TMEM131: variants seen among roughly 807,000 people sequenced by gnomAD.
TMEM131 encodes transmembrane protein 131, also known as 2610524E03Rik.
Under a neutral mutation model 211.6 loss-of-function variants are expected in TMEM131, and 66 were observed. The observed-to-expected ratio is 0.31, with a 90% CI of 0.26 to 0.38. The LOEUF (loss-of-function observed/expected upper bound fraction) is 0.38. Ranked by LOEUF, TMEM131 falls within the 10% of genes least tolerant of loss-of-function variation. TMEM131 has a pLI of 1.00. For missense variants in TMEM131, 2,036 were observed against 2,299.3 expected, an observed-to-expected ratio of 0.89 and a Z score of 2.34; for synonymous variants, 844 against 841.3, an observed-to-expected ratio of 1.00 and a Z score of -0.06.
At chr2:97,978,082 G>T (rs1300027429) in intron 1 of TMEM131, among the ~76,000 whole-genome samples, 1 of 152,018 alleles carries the variant, frequency 6.6e-6, no homozygotes, top group Non-Finnish European at 1.5e-5. Context: ...GCAAGACTCG[G>T]TCTTGGGGAA....
At position 97,910,089 on chromosome 2, in the gene TMEM131, G is replaced by T. The variant is rs550973902; in HGVS notation, c.250-1391C>A. ...CAAAGGACTCAAACATTTCTCCAAA[G>T]AAAATACACAAATGGCCAGTAGGCA... On this transcript the variant is annotated intron_variant, in intron 2 of 40. Coordinates refer to ENST00000186436, the MANE Select transcript of TMEM131 (RefSeq NM_015348.2). Among the ~76,000 whole-genome samples the T allele has an allele frequency of 2.0e-5, 3 of 152,144 alleles. No homozygotes were observed. The East Asian group carries it at 5.8e-4, about 29-fold the overall frequency.
chr2:97,817,445 G>T (rs6707924), intron 12 of TMEM131, among the ~76,000 whole-genome samples: 113,853 of 151,726 alleles, frequency 0.75, 44,401 homozygotes, highest in African/African-American at 0.87. Flanking sequence ...AAAATTAGCC[G>T]CCTCCTCCTC....
At chr2:97,770,765 T>C (rs141475531) in intron 33 of TMEM131, among the ~76,000 whole-genome samples, 32 of 152,324 alleles carry the variant, frequency 2.1e-4, no homozygotes, top group African/African-American at 6.7e-4. Flanking sequence ...CAGTCACCTA[T>C]GGAATGGTAC....
Position 97,793,073 on chromosome 2 carries a change from CATAAAT to C in TMEM131, c.3546-95_3546-90del, listed in dbSNP as rs1226033324. ...ACTTCAACTTCATCAGTACAGCCAC[CATAAAT>C]ATAAACTACACTAGGGAAAAAATAG... On this transcript the variant is annotated intron_variant, in intron 30 of 40. Transcript: ENST00000186436. 22 of 968,574 alleles carry C rather than the reference CATAAAT, an allele frequency of 2.3e-5. No homozygotes were observed. In the Admixed American group the frequency reaches 3.7e-4, roughly 16 times the overall value. 60.0% of individuals were successfully genotyped at this position (968,574 alleles called of 1,614,324 possible). A position where few individuals can be genotyped will look rare whatever the true frequency, so the allele number is the denominator to read the frequency against.
chr2:97,787,117 A>C (rs553479306), intron 31 of TMEM131, among the ~76,000 whole-genome samples: 1 of 152,346 alleles, frequency 6.6e-6, no homozygotes, highest in South Asian at 2.1e-4. Flanking sequence ...GTGCTATGAT[A>C]ATTTAAACTG....
intron 31 of TMEM131, among the ~76,000 whole-genome samples, chr2:97,786,115 T>C (rs1193920782): frequency 6.6e-6 from 1 of 152,208 alleles, no homozygotes; most frequent in Admixed American, 6.5e-5. Context: ...TCAGCATCAC[T>C]ATCCTGGGTA....
intron 11 of TMEM131, among the ~76,000 whole-genome samples, chr2:97,822,551 C>T (rs559620925): frequency 1.1e-4 from 17 of 152,140 alleles, no homozygotes; most frequent in African/African-American, 1.9e-4. Context: ...GAGAATGCGT[C>T]GGTAAGGGCC....
At chr2:97,919,335 T>C (rs529768301) in intron 2 of TMEM131, among the ~76,000 whole-genome samples, 8 of 152,340 alleles carry the variant, frequency 5.3e-5, no homozygotes, top group African/African-American at 1.9e-4. Flanking sequence ...ACAAATTTTC[T>C]GGTGACAAAT....
chr2:97,863,120 C>T (rs1559408621), intron 4 of TMEM131, among the ~76,000 whole-genome samples: 1 of 152,046 alleles, frequency 6.6e-6, no homozygotes, highest in Non-Finnish European at 1.5e-5. Context: ...AAAAAAAACC[C>T]CCACACTTTT....
chr2:97,854,843 C>CA (rs1374994975), intron 5 of TMEM131, among the ~76,000 whole-genome samples: 1 of 152,174 alleles, frequency 6.6e-6, no homozygotes, highest in African/African-American at 2.4e-5. Context: ...AGTCCTACCT[C>CA]ACGCCCTTCG....
chr2:97,908,586 G>A (rs951390846), intron 3 of TMEM131, 72 bp downstream of exon 3: 3 of 1,090,602 alleles, frequency 2.8e-6, no homozygotes, highest in Non-Finnish European at 4.1e-6. Flanking sequence ...CAAGGGGAAA[G>A]AGGAGGGAGA....
chr2:97,885,358 A>AT (rs369532617), intron 4 of TMEM131, among the ~76,000 whole-genome samples: 148 of 149,798 alleles, frequency 9.9e-4, no homozygotes, highest in African/African-American at 3.1e-3. Flanking sequence ...CGCCCAGCTA[A>AT]TTTTTTTTTG....
intron 25 of TMEM131, among the ~76,000 whole-genome samples, chr2:97,798,005 C>A (rs1029060614): frequency 6.6e-6 from 1 of 152,238 alleles, no homozygotes; most frequent in Non-Finnish European, 1.5e-5. Context: ...CACGCCACTC[C>A]TCCCCTCTGA....
Position 97,909,432 on chromosome 2 carries a change from A to G in TMEM131, c.250-734T>C, listed in dbSNP as rs190506978. 2.2e-4 allele frequency among the ~76,000 whole-genome samples: 34 copies of G among 152,258 alleles called. No homozygotes were observed. In the East Asian group the frequency reaches 6.2e-3, roughly 28 times the overall value. On this transcript the variant is annotated intron_variant, in intron 2 of 40. Coordinates refer to ENST00000186436, the MANE Select transcript of TMEM131 (RefSeq NM_015348.2). ...TCTGCCTTGTAAGGAAGTCATGGGA[A>G]GAAGTTTGGTCTACTTTAGGTTTTA...
intron 5 of TMEM131, among the ~76,000 whole-genome samples, chr2:97,856,704 T>C (rs1360740367): frequency 2.0e-5 from 3 of 152,308 alleles, no homozygotes; most frequent in Non-Finnish European, 4.4e-5. Flanking sequence ...AAGGCTCTTA[T>C]TGTTGGCATA....
intron 31 of TMEM131, among the ~76,000 whole-genome samples, chr2:97,791,419 C>A (rs901526385): frequency 6.6e-6 from 1 of 152,224 alleles, no homozygotes; most frequent in African/African-American, 2.4e-5. Context: ...CTCTTGTTTG[C>A]TCATTCTGGG....
At chr2:97,898,399 C>T (rs1675707852) in intron 3 of TMEM131, among the ~76,000 whole-genome samples, 1 of 152,076 alleles carries the variant, frequency 6.6e-6, no homozygotes, top group Non-Finnish European at 1.5e-5. Context: ...AGCCCTAATC[C>T]CCACTATGAC....
intron 1 of TMEM131, among the ~76,000 whole-genome samples, chr2:97,948,659 TTTTA>T (rs1200446236): frequency 2.0e-5 from 3 of 151,850 alleles, no homozygotes; most frequent in South Asian, 2.1e-4. Context: ...TTTCTTTTTT[TTTTA>T]TTTATTTTTT....
rs1324835906 is a variant in TMEM131, at chr2:97,760,570, C to T, written c.5108+23G>A. 6.3e-6 allele frequency: 10 copies of T among 1,593,738 alleles called. No individual in the cohort carries two copies. In the East Asian group the frequency reaches 6.8e-5, roughly 11 times the overall value. On this transcript the variant is annotated intron_variant, in intron 38 of 40. Coordinates refer to ENST00000186436, the MANE Select transcript of TMEM131 (RefSeq NM_015348.2). ...CTTGAGAAGCCTTCCGTCTTTCTAGCGGTTAGTGGTGGTCTACCGTACCTG... is the reference window on the plus strand; with the variant it reads ...CTTGAGAAGCCTTCCGTCTTTCTAGTGGTTAGTGGTGGTCTACCGTACCTG...
Sources: gnomAD v4.1 joint callset for allele counts (sites outside exome capture counted in the v4.1 genomes callset) on GRCh38, gnomAD v4.1.1 for gene constraint, MANE v1.5 for transcripts, NCBI Gene and HGNC (gene_info 2026-07-23, HGNC 2026-07-21) for gene names.